The following C6orf52 variants were observed in gnomAD, a reference collection of about 807,000 sequenced individuals.
C6orf52 encodes the protein chromosome 6 open reading frame 52.
C6orf52 carries 16 observed loss-of-function variants against 16.6 expected under a neutral mutation model. That is an observed-to-expected ratio of 0.96 (90% confidence interval 0.65 to 1.46). C6orf52 has a LOEUF of 1.46. C6orf52 is among the 40% of genes most tolerant of loss of function. C6orf52 has a pLI of 0.00. For missense variants in C6orf52, 166 were observed against 182.3 expected (o/e 0.91, Z 0.52); for synonymous variants, 53 against 61.4 (o/e 0.86, Z 0.64).
At chr6:10,693,698 A>G (rs1769562266) in intron 1 of C6orf52, among the ~76,000 whole-genome samples, 1 of 152,316 alleles carries the variant, frequency 6.6e-6, no homozygotes, top group South Asian at 2.1e-4. Flanking sequence ...GTAATGTCTA[A>G]GACATACCTG....
In C6orf52 at chr6:10,691,122, G is replaced by A. The variant is rs546266467; in HGVS notation, c.-12+3372C>T. On this transcript the variant is annotated intron_variant, in intron 1 of 4. Transcript: ENST00000259983. ...AAGTCACTTCTCCAGACATATCTCA[G>A]CATTTATAACCTAAGACTGAATCAC... is the stretch of plus-strand genomic sequence containing the variant. Among the ~76,000 whole-genome samples, 31 of 152,274 alleles carry A rather than the reference G, an allele frequency of 2.0e-4. No individual in the cohort carries two copies. In the South Asian group the frequency reaches 6.2e-3, roughly 31 times the overall value.
chr6:10,677,877 TAG>T (rs1247294853), intron 4 of C6orf52, among the ~76,000 whole-genome samples: 1 of 151,936 alleles, frequency 6.6e-6, no homozygotes, highest in Non-Finnish European at 1.5e-5. Flanking sequence ...GGTATTTTGA[TAG>T]AGAGTACATT....
chr6:10,686,953 T>C lies in C6orf52; in HGVS notation c.270+13A>G. ...CACACGAATGACACAAGATTCATTC[T>C]AGCAAGGGATACCTTAGGCATAACC... is the stretch of plus-strand genomic sequence containing the variant. On this transcript the variant is annotated intron_variant, in intron 3 of 4. Transcript: ENST00000259983. 5 of 1,520,322 alleles carry C rather than the reference T, an allele frequency of 3.3e-6. No homozygotes were observed. The highest frequency in any genetic ancestry group is 4.4e-6 in the Non-Finnish European group (5 of 1,128,852). 94.2% of individuals were successfully genotyped at this position (1,520,322 alleles called of 1,614,324 possible).
intron 4 of C6orf52, among the ~76,000 whole-genome samples, chr6:10,674,945 G>A (rs1767750700): frequency 6.6e-6 from 1 of 151,858 alleles, no homozygotes. Context: ...AAGTAGCTGG[G>A]ATTACAGGCG....
chr6:10,674,789 A>T (rs1420799790), intron 4 of C6orf52: 2 of 151,486 alleles, frequency 1.3e-5, no homozygotes, highest in African/African-American at 4.9e-5. Context: ...CATTAACTAT[A>T]GTCACCATGG....
chr6:10,686,207 G>A (rs184979883), intron 3 of C6orf52, among the ~76,000 whole-genome samples: 3 of 152,254 alleles, frequency 2.0e-5, no homozygotes, highest in Admixed American at 6.5e-5. Context: ...ATAAGTGGAC[G>A]ATTTTTTAAA....
At chr6:10,684,771 T>C in intron 3 of C6orf52, 3 of 846,668 alleles carry the variant, frequency 3.5e-6, no homozygotes, top group Non-Finnish European at 5.1e-6. Context: ...GACTAGGACA[T>C]CTTGGCAAGG....
At chr6:10,693,166 T>A (rs1769503773) in intron 1 of C6orf52, among the ~76,000 whole-genome samples, 2 of 152,144 alleles carry the variant, frequency 1.3e-5, no homozygotes, top group Non-Finnish European at 1.5e-5. Flanking sequence ...GGGTATCAGT[T>A]TAAGATTATG....
intron 3 of C6orf52, 88 bp from the exon 4 acceptor site, chr6:10,683,320 CA>C (rs1028570963): frequency 2.3e-4 from 166 of 730,092 alleles, no homozygotes; most frequent in Middle Eastern, 2.9e-4. Flanking sequence ...CTCTAGCTCT[CA>C]AAAAAACTAC....
At chr6:10,681,850 A>G (rs549831119) in intron 4 of C6orf52, among the ~76,000 whole-genome samples, 1 of 152,360 alleles carries the variant, frequency 6.6e-6, no homozygotes, top group Non-Finnish European at 1.5e-5. Flanking sequence ...AGAACCTCCA[A>G]CCTGCCCAAG....
intron 4 of C6orf52, among the ~76,000 whole-genome samples, chr6:10,673,954 G>C (rs1466427273): frequency 6.6e-6 from 1 of 152,124 alleles, no homozygotes; most frequent in South Asian, 2.1e-4. Flanking sequence ...TAATATCTTG[G>C]ATATTGCCTT....
At chr6:10,694,748 G>A, upstream of C6orf52, 1 of 441,534 alleles carries the variant, frequency 2.3e-6, no homozygotes, top group Non-Finnish European at 4.1e-6. Context: ...TCTCCTTGCA[G>A]TGAGAACCTC....
At chr6:10,683,330 A>G (rs1581550444) in intron 3 of C6orf52, 98 bp from the exon 4 acceptor site, 2 of 685,128 alleles carry the variant, frequency 2.9e-6, no homozygotes, top group East Asian at 5.9e-5. Flanking sequence ...CAAAAAAACT[A>G]CCTAAAATAA....
chr6:10,684,378 C>A (rs1014432994), intron 3 of C6orf52, among the ~76,000 whole-genome samples: 1 of 152,170 alleles, frequency 6.6e-6, no homozygotes, highest in African/African-American at 2.4e-5. Flanking sequence ...TCCATAAGTT[C>A]CTTTCCCATA....
intron 4 of C6orf52, among the ~76,000 whole-genome samples, chr6:10,678,561 T>C (rs747270988): frequency 6.6e-6 from 1 of 152,222 alleles, no homozygotes; most frequent in Non-Finnish European, 1.5e-5. Flanking sequence ...CTCAGAGATA[T>C]TGCAGGTTTA....
In C6orf52 at chr6:10,677,604, T is replaced by TC. The variant is rs370765761; in HGVS notation, c.316+5582dup. Among the ~76,000 whole-genome samples the TC allele has an allele frequency of 3.5e-3, 538 of 151,642 alleles. 3 individuals are homozygous for TC. The highest frequency in any genetic ancestry group is 0.013 in the African/African-American group (521 of 41,314). ...TGGAGTGCAGTGGCGCCACCTTGGCTCACTCTAACCTCCGCCTCCCGGGTT... is the reference window on the plus strand; with the variant it reads ...TGGAGTGCAGTGGCGCCACCTTGGCTCCACTCTAACCTCCGCCTCCCGGGTT... On this transcript the variant is annotated intron_variant, in intron 4 of 4. Transcript: ENST00000259983.
chr6:10,687,053 A>G lies in C6orf52; in HGVS notation c.183T>C (p.Tyr61=), dbSNP rs897004727. 1 of 1,551,780 alleles carries G rather than the reference A, an allele frequency of 6.4e-7. No homozygotes were observed. Among genetic ancestry groups the G allele is most frequent in the African/African-American group, 1.4e-5 (1 of 73,058 alleles). The change falls in exon 3 of 5, where the codon TAT becomes TAC. Residue 61 remains tyrosine (Y), a synonymous_variant. Coordinates refer to ENST00000259983, the MANE Select transcript of C6orf52 (RefSeq NM_001145020.3). ...HGSYLLSGYS[Y]GCAVDGNGKD... The stretch of plus-strand genomic sequence containing the variant: ...TTCCATTTCCATCCACTGCACAGCC[A>G]TAGCTGTAGCCAGAAAGAAGGTAAG...
intron 4 of C6orf52, among the ~76,000 whole-genome samples, chr6:10,682,287 ACT>A (rs1288374759): frequency 6.6e-6 from 1 of 152,172 alleles, no homozygotes; most frequent in Non-Finnish European, 1.5e-5. Context: ...AGGAAGAAAG[ACT>A]CACACTTAAT....
intron 4 of C6orf52, among the ~76,000 whole-genome samples, chr6:10,675,385 G>A (rs570159687): frequency 6.6e-6 from 1 of 152,292 alleles, no homozygotes; most frequent in East Asian, 1.9e-4. Flanking sequence ...CAGTTGAATA[G>A]TATTCTATTG....
Sources: gnomAD v4.1 joint callset for allele counts (sites outside exome capture counted in the v4.1 genomes callset) on GRCh38, gnomAD v4.1.1 for gene constraint, MANE v1.5 for transcripts, NCBI Gene and HGNC (gene_info 2026-07-23, HGNC 2026-07-21) for gene names.